DNAH11: variants seen among roughly 807,000 people sequenced by gnomAD.
The protein encoded by DNAH11 is axonemal beta dynein heavy chain 11.
Under a neutral mutation model 526.0 loss-of-function variants are expected in DNAH11, and 442 were observed. The observed-to-expected ratio is 0.84, with a 90% CI of 0.78 to 0.91. The LOEUF (loss-of-function observed/expected upper bound fraction) is 0.91. DNAH11 is among the 40% of genes least tolerant of loss of function. DNAH11 has a pLI of 0.00. For synonymous variants in DNAH11, 2,461 were observed against 1,935.9 expected (o/e 1.27, Z -7.12); for missense variants, 6,989 against 5,448.7 (o/e 1.28, Z -8.90).
At chr7:21,560,189 A>C (rs73066466) in intron 4 of DNAH11, among the ~76,000 whole-genome samples, 28,458 of 152,134 alleles carry the variant, frequency 0.19, 2,848 homozygotes, top group East Asian at 0.23. Context: ...CAAATTACTT[A>C]CTTAAGGTTC....
chr7:21,691,719 C>T (rs1413815295), intron 35 of DNAH11, among the ~76,000 whole-genome samples: 1 of 152,020 alleles, frequency 6.6e-6, no homozygotes, highest in Non-Finnish European at 1.5e-5. Flanking sequence ...CATATTTTAT[C>T]ATATTATTAA....
intron 19 of DNAH11, 42 bp from the exon 20 acceptor site, chr7:21,606,605 T>C (rs1420916741): frequency 6.5e-7 from 1 of 1,545,776 alleles, no homozygotes; most frequent in Non-Finnish European, 8.7e-7. Context: ...AAGTATTTGT[T>C]TGAAATTCAC....
In DNAH11 at chr7:21,636,208, G is replaced by A. The variant is rs1786856690; in HGVS notation, c.4725+113G>A. 5.5e-6 allele frequency: 5 copies of A among 902,942 alleles called. No individual in the cohort carries two copies. The East Asian group carries it at 1.3e-4, about 24-fold the overall frequency. 55.9% of individuals were successfully genotyped at this position (902,942 alleles called of 1,614,324 possible). The stretch of plus-strand genomic sequence containing the variant: ...TTTTTGCATGAGTAAGCAGGAGTCA[G>A]GAGACTTTTCCTGCAAAGGGCCAGG... On this transcript the variant is annotated intron_variant, in intron 26 of 81. Coordinates refer to ENST00000409508, the MANE Select transcript of DNAH11 (RefSeq NM_001277115.2).
At chr7:21,590,354 G>T (rs1033602756) in intron 12 of DNAH11, among the ~76,000 whole-genome samples, 1 of 152,090 alleles carries the variant, frequency 6.6e-6, no homozygotes, top group Non-Finnish European at 1.5e-5. Flanking sequence ...TAGGGTAAGG[G>T]GCAAGCTTAT....
chr7:21,641,205 T>A (rs1206282381), intron 28 of DNAH11, among the ~76,000 whole-genome samples: 1 of 152,010 alleles, frequency 6.6e-6, no homozygotes, highest in African/African-American at 2.4e-5. Context: ...GTGCCCAGAG[T>A]TTTTATGAGT....
At chr7:21,726,901 G>A (rs1785137704) in intron 45 of DNAH11, among the ~76,000 whole-genome samples, 1 of 130,546 alleles carries the variant, frequency 7.7e-6, no homozygotes, top group African/African-American at 2.9e-5. Context: ...AGAATGCTTA[G>A]TGAGATGTCT....
intron 14 of DNAH11, among the ~76,000 whole-genome samples, chr7:21,597,133 G>GCCTGGAAGGGA (rs11273700): frequency 0.79 from 119,418 of 151,788 alleles, 47,190 homozygotes; most frequent in Non-Finnish European, 0.84. Context: ...GGAATATTGG[G>GCCTGGAAGGGA]CCTGAGTGAT....
rs747116832 is a variant in DNAH11, at chr7:21,619,088, TC to T, written c.4255-7del. On this transcript the variant is annotated splice_polypyrimidine_tract_variant and intron_variant, in intron 23 of 81. Transcript: ENST00000409508. ...GTGGAATATAAAGTCTAACTTTTTT[TC>T]CCCCAATCAGGTCAAGTTTTTAATA... is the stretch of plus-strand genomic sequence containing the variant. 15 of 1,613,092 alleles carry T rather than the reference TC, an allele frequency of 9.3e-6. No homozygotes were observed. Among genetic ancestry groups the T allele is most frequent in the Non-Finnish European group, 1.2e-5 (14 of 1,179,458 alleles).
At position 21,800,521 on chromosome 7, in the gene DNAH11, A is replaced by C. The variant is rs577808128; in HGVS notation, c.10027-616A>C. Among the ~76,000 whole-genome samples, 21 of 152,168 alleles carry C rather than the reference A, an allele frequency of 1.4e-4. 2 individuals are homozygous for C. In the South Asian group the frequency reaches 4.4e-3, roughly 32 times the overall value. On this transcript the variant is annotated intron_variant, in intron 61 of 81. Coordinates refer to ENST00000409508, the MANE Select transcript of DNAH11 (RefSeq NM_001277115.2). ...GTGGTGCACACCTGTAATCCCAGCT[A>C]CTCGGGAGACTGAGGCGCAGGAATC...
At chr7:21,687,041 G>C in intron 32 of DNAH11, 58 bp from the exon 33 acceptor site, 1 of 1,522,510 alleles carries the variant, frequency 6.6e-7, no homozygotes, top group Non-Finnish European at 8.8e-7. Flanking sequence ...TATTGCCTCT[G>C]ATGTTTTATG....
intron 54 of DNAH11, among the ~76,000 whole-genome samples, chr7:21,762,587 A>G (rs1786970335): frequency 6.6e-6 from 1 of 152,204 alleles, no homozygotes; most frequent in South Asian, 2.1e-4. Flanking sequence ...CATTTTAACT[A>G]AGGCTTGTTA....
rs72657319 is a variant in DNAH11 at position 21,619,695 on chromosome 7, C to G, written c.4378-261C>G. 4.9e-3 allele frequency among the ~76,000 whole-genome samples: 744 copies of G among 152,220 alleles called. 4 individuals are homozygous for G. The highest frequency in any genetic ancestry group is 7.1e-3 in the South Asian group (34 of 4,818). ...CCAAACATTTAAGTCCCTTCCTGCT[C>G]TTGAATTGTGTTTTGGTTAGGGATG... On this transcript the variant is annotated intron_variant, in intron 24 of 81. Coordinates refer to ENST00000409508, the MANE Select transcript of DNAH11 (RefSeq NM_001277115.2).
chr7:21,760,218 T>A (rs1407529096), intron 54 of DNAH11, among the ~76,000 whole-genome samples: 1 of 152,158 alleles, frequency 6.6e-6, no homozygotes, highest in African/African-American at 2.4e-5. Context: ...TTTCCCCAAA[T>A]GTCCCAACTC....
At position 21,900,100 on chromosome 7, in the gene DNAH11, T is replaced by C; in HGVS notation, c.13283T>C (p.Leu4428Pro). The part of the protein sequence containing the change: ...YGHPPREGAY[L>P]HGLFMEGARW... ...CACCCGCCAAGGGAAGGTGCATACC[T>C]CCACGGACTCTTCATGGAGGGTAAG... Residue 4428 changes from leucine (L) to proline (P), a missense_variant, in exon 81 of 82, where the codon CTC becomes CCC. By Grantham distance (98) the Leu-to-Pro change is moderately conservative (BLOSUM62 -3). Transcript: ENST00000409508. 1.2e-6 allele frequency: 2 copies of C among 1,613,438 alleles called. No individual in the cohort carries two copies. Among genetic ancestry groups the C allele is most frequent in the Non-Finnish European group, 8.5e-7 (1 of 1,179,656 alleles).
intron 65 of DNAH11, among the ~76,000 whole-genome samples, chr7:21,837,505 C>T (rs903662781): frequency 4.6e-5 from 7 of 151,990 alleles, no homozygotes; most frequent in Non-Finnish European, 8.8e-5. Context: ...TGCTCTCATT[C>T]GTGTTATCTA....
intron 30 of DNAH11, among the ~76,000 whole-genome samples, chr7:21,667,271 G>A (rs552950472): frequency 6.6e-6 from 1 of 152,238 alleles, no homozygotes; most frequent in South Asian, 2.1e-4. Flanking sequence ...TTTATAGAGG[G>A]CTTCTGTCAT....
At chr7:21,556,681 C>G (rs145487951) in intron 2 of DNAH11, among the ~76,000 whole-genome samples, 30 of 152,248 alleles carry the variant, frequency 2.0e-4, no homozygotes, top group African/African-American at 6.3e-4. Context: ...CTTCCACCCT[C>G]CACCCTCAAG....
intron 75 of DNAH11, among the ~76,000 whole-genome samples, chr7:21,882,381 T>C (rs961882622): frequency 3.9e-5 from 6 of 152,196 alleles, no homozygotes; most frequent in African/African-American, 1.4e-4. Context: ...AGGCGACTTA[T>C]CAGGATTTGG....
At chr7:21,782,317 T>C (rs1172369049) in intron 57 of DNAH11, among the ~76,000 whole-genome samples, 1 of 152,214 alleles carries the variant, frequency 6.6e-6, no homozygotes, top group Non-Finnish European at 1.5e-5. Flanking sequence ...ACTCTTCTCC[T>C]GTTTTATAGG....
Sources: gnomAD v4.1 joint callset for allele counts (sites outside exome capture counted in the v4.1 genomes callset) on GRCh38, gnomAD v4.1.1 for gene constraint, MANE v1.5 for transcripts, NCBI Gene and HGNC (gene_info 2026-07-23, HGNC 2026-07-21) for gene names.